The following PEX13 variants were observed in gnomAD, a reference collection of about 807,000 sequenced individuals.
PEX13 encodes the protein peroxisomal biogenesis factor 13.
Under a neutral mutation model 34.5 loss-of-function variants are expected in PEX13, and 28 were observed. That is an observed-to-expected ratio of 0.81 (90% CI 0.60 to 1.11). The LOEUF (loss-of-function observed/expected upper bound fraction) is 1.11. Among genes scored for constraint, PEX13 ranks in the 50% most tolerant of loss-of-function variants. The pLI is 0.00. For missense variants in PEX13, 550 were observed against 491.0 expected (o/e 1.12, Z -1.13); for synonymous variants, 177 against 175.1 (o/e 1.01, Z -0.09).
intron 2 of PEX13, among the ~76,000 whole-genome samples, chr2:61,035,410 C>G (rs565013402): frequency 6.6e-6 from 1 of 152,298 alleles, no homozygotes; most frequent in Non-Finnish European, 1.5e-5. Context: ...ACCAGAGCGC[C>G]TCTTCTCCAA....
chr2:61,045,621 G>A (rs917263628), intron 2 of PEX13, 105 bp from the exon 3 acceptor site: 1 of 895,626 alleles, frequency 1.1e-6, no homozygotes, highest in Non-Finnish European at 1.8e-6. Context: ...GGGAGGGGAG[G>A]ACTTTTCTCT....
intron 2 of PEX13, among the ~76,000 whole-genome samples, chr2:61,034,873 C>G (rs528343125): frequency 6.6e-6 from 1 of 152,342 alleles, no homozygotes; most frequent in Admixed American, 6.5e-5. Context: ...TCTCTAGATT[C>G]CACCTCTGTG....
chr2:61,017,909 G>GT, intron 1 of PEX13, 58 bp downstream of exon 1: 1 of 1,509,864 alleles, frequency 6.6e-7, no homozygotes, highest in Non-Finnish European at 9.0e-7. Context: ...GACTTGGCAG[G>GT]AGGCGGTTGT....
At position 61,025,917 on chromosome 2, in the gene PEX13, AGT is replaced by A. The variant is rs1680346460; in HGVS notation, c.93-5498_93-5497del. 4.6e-5 allele frequency among the ~76,000 whole-genome samples: 7 copies of A among 152,204 alleles called. No individual in the cohort carries two copies. The South Asian group carries it at 1.5e-3, about 32-fold the overall frequency. The stretch of plus-strand genomic sequence containing the variant: ...TTCCCTTTTTAAGGTCCCAATCTGA[AGT>A]GTGAGGGTTCCCTATGGCTTTCCTC... On this transcript the variant is annotated intron_variant, in intron 1 of 3. Coordinates refer to ENST00000295030, the MANE Select transcript of PEX13 (RefSeq NM_002618.4).
At chr2:61,048,413 T>G (rs1351141812) in intron 3 of PEX13, 59 bp from the exon 4 acceptor site, 4 of 1,370,444 alleles carry the variant, frequency 2.9e-6, no homozygotes, top group Non-Finnish European at 4.1e-6. Context: ...TTACCATTAC[T>G]ATTCTGTTGG....
chr2:61,041,321 C>T (rs1166799959), intron 2 of PEX13, among the ~76,000 whole-genome samples: 1 of 151,894 alleles, frequency 6.6e-6, no homozygotes, highest in African/African-American at 2.4e-5. Flanking sequence ...ACAGCAAGAC[C>T]CCGTCTCAAA....
chr2:61,043,186 T>C (rs1261598049), intron 2 of PEX13, among the ~76,000 whole-genome samples: 1 of 152,032 alleles, frequency 6.6e-6, no homozygotes, highest in Non-Finnish European at 1.5e-5. Context: ...GTCTGTAGTA[T>C]TCTGTTAAAG....
At chr2:61,040,434 C>T (rs1412665166) in intron 2 of PEX13, among the ~76,000 whole-genome samples, 1 of 151,966 alleles carries the variant, frequency 6.6e-6, no homozygotes, top group East Asian at 1.9e-4. Flanking sequence ...ATGTCCTTTG[C>T]AGGGACGTGG....
chr2:61,049,586 C>G lies in PEX13; in HGVS notation c.*816C>G, dbSNP rs1199167716. On this transcript the variant is annotated 3_prime_UTR_variant, in exon 4 of 4. Transcript: ENST00000295030. ...GTTGGGAGTTCAAGACCACCCTGAC[C>G]AACATGGAGAAACCCCATCTTTACG... 3 of 152,152 alleles carry G rather than the reference C, an allele frequency of 2.0e-5. No homozygotes were observed. The highest frequency in any genetic ancestry group is 7.2e-5 in the African/African-American group (3 of 41,390). The allele number at this position is 152,152 out of a possible 1,614,324, so 9.4% of individuals were successfully genotyped here.
Position 61,032,064 on chromosome 2 carries a change from T to C in PEX13, c.738T>C (p.Gly246=), listed in dbSNP as rs1680461539. ...TGTTCTTTGCTGTTATCCTTGGTGGTCCTTACCTCATTTGGAAACTATTGT... is the reference window on the plus strand; with the variant it reads ...TGTTCTTTGCTGTTATCCTTGGTGGCCCTTACCTCATTTGGAAACTATTGT... ...IFLFFAVILG[G]PYLIWKLLST... Residue 246 remains glycine, a synonymous_variant, in exon 2 of 4, where the codon GGT becomes GGC. Coordinates refer to ENST00000295030, the MANE Select transcript of PEX13 (RefSeq NM_002618.4). The C allele has an allele frequency of 1.9e-6, 3 of 1,613,686 alleles. No homozygotes were observed. The highest frequency in any genetic ancestry group is 2.5e-6 in the Non-Finnish European group (3 of 1,179,868).
chr2:61,045,956 A>C, intron 3 of PEX13, 105 bp downstream of exon 3: 1 of 1,000,260 alleles, frequency 1.0e-6, no homozygotes, highest in East Asian at 2.4e-5. Context: ...GTTAACTTAG[A>C]GATAGTTACT....
Position 61,017,777 on chromosome 2 carries a change from A to G in PEX13, c.18A>G (p.Pro6=), listed in dbSNP as rs769300208. 3.0e-5 allele frequency: 47 copies of G among 1,549,276 alleles called. 1 individual carries two copies. In the African/African-American group the frequency reaches 6.3e-4, roughly 21 times the overall value. The stretch of plus-strand genomic sequence containing the variant: ...CGGAGGAGATGGCGTCCCAGCCGCC[A>G]CCTCCCCCCAAACCCTGGGAGACCC... MASQP[P]PPPKPWETRR... is the part of the protein sequence containing the mutation. Residue 6 remains proline, a synonymous_variant, in exon 1 of 4, where the codon CCA becomes CCG. Coordinates refer to ENST00000295030, the MANE Select transcript of PEX13 (RefSeq NM_002618.4).
intron 1 of PEX13, among the ~76,000 whole-genome samples, chr2:61,024,046 C>G (rs1220604170): frequency 6.6e-6 from 1 of 152,192 alleles, no homozygotes; most frequent in Non-Finnish European, 1.5e-5. Context: ...ATCTTCCCAC[C>G]TAGGTCTCCC....
chr2:61,021,840 A>G (rs1296941861), intron 1 of PEX13, among the ~76,000 whole-genome samples: 2 of 152,228 alleles, frequency 1.3e-5, no homozygotes, highest in East Asian at 3.8e-4. Context: ...TCAGGCAGCA[A>G]TATTTGCTGT....
chr2:61,040,710 C>T (rs1680609195), intron 2 of PEX13, among the ~76,000 whole-genome samples: 1 of 150,484 alleles, frequency 6.6e-6, no homozygotes, highest in Admixed American at 6.7e-5. Context: ...ACACTGTGCA[C>T]ACGTACCCTA....
At chr2:61,025,423 A>G (rs572276404) in intron 1 of PEX13, among the ~76,000 whole-genome samples, 10 of 152,036 alleles carry the variant, frequency 6.6e-5, no homozygotes, top group Admixed American at 1.3e-4. Flanking sequence ...CAGTGGTACA[A>G]TCTCGGCTCA....
At chr2:61,039,053 C>T (rs1322572117) in intron 2 of PEX13, among the ~76,000 whole-genome samples, 1 of 152,146 alleles carries the variant, frequency 6.6e-6, no homozygotes, top group African/African-American at 2.4e-5. Context: ...TGAAGGACCT[C>T]TTCAAGGAGA....
At chr2:61,023,584 A>G (rs1329162505) in intron 1 of PEX13, among the ~76,000 whole-genome samples, 1 of 152,110 alleles carries the variant, frequency 6.6e-6, no homozygotes, top group Non-Finnish European at 1.5e-5. Context: ...TCTGTCAAGC[A>G]TTATATCGGG....
intron 1 of PEX13, among the ~76,000 whole-genome samples, chr2:61,025,771 G>C (rs1680343858): frequency 6.6e-6 from 1 of 152,136 alleles, no homozygotes; most frequent in African/African-American, 2.4e-5. Flanking sequence ...AGAATGTTAG[G>C]CCACTAACAA....
Sources: gnomAD v4.1 joint callset for allele counts (sites outside exome capture counted in the v4.1 genomes callset) on GRCh38, gnomAD v4.1.1 for gene constraint, MANE v1.5 for transcripts, NCBI Gene and HGNC (gene_info 2026-07-23, HGNC 2026-07-21) for gene names.